Variants in MMS22L observed in about 807,000 individuals in gnomAD.
MMS22L encodes the protein MMS22 like, DNA repair protein.
A neutral mutation model predicts 159.1 loss-of-function variants in MMS22L; 74 were observed. That is an observed-to-expected ratio of 0.47 (90% confidence interval 0.39 to 0.56). The LOEUF (loss-of-function observed/expected upper bound fraction) is 0.56. Among genes scored for constraint, MMS22L ranks in the 20% least tolerant of loss-of-function variants. MMS22L has a pLI of 0.00. For synonymous variants in MMS22L, 517 were observed against 506.9 expected (o/e 1.02, Z -0.27); for missense variants, 1,351 against 1,422.1 (o/e 0.95, Z 0.80).
chr6:97,179,093 CT>C (rs1804418210), intron 17 of MMS22L, among the ~76,000 whole-genome samples: 2 of 152,016 alleles, frequency 1.3e-5, no homozygotes, highest in Admixed American at 6.6e-5. Flanking sequence ...CAGAGTTCTA[CT>C]TTTTTCGTGA....
At chr6:97,276,215 A>G (rs1456152064) in intron 4 of MMS22L, among the ~76,000 whole-genome samples, 1 of 152,184 alleles carries the variant, frequency 6.6e-6, no homozygotes, top group Non-Finnish European at 1.5e-5. Flanking sequence ...GAACACAGCT[A>G]CATGGCAGGG....
rs554179503 is a variant in MMS22L, at chr6:97,279,647, C to T, written c.291-749G>A. Among the ~76,000 whole-genome samples the T allele has an allele frequency of 4.7e-4, 71 of 151,220 alleles. 1 individual carries two copies. The South Asian group carries it at 0.012, about 26-fold the overall frequency. ...TAAAAATACACAAAAATTAGCCGGG[C>T]GTGGTGGGGGGACCCTGTAATCCGA... On this transcript the variant is annotated intron_variant, in intron 3 of 24. Transcript: ENST00000683635.
At chr6:97,222,264 A>T (rs1253724997) in intron 14 of MMS22L, among the ~76,000 whole-genome samples, 1 of 152,076 alleles carries the variant, frequency 6.6e-6, no homozygotes, top group Non-Finnish European at 1.5e-5. Context: ...CAAAACAGTT[A>T]TAAAACAAGC....
chr6:97,183,867 T>C (rs1804961782), intron 15 of MMS22L, among the ~76,000 whole-genome samples: 2 of 152,172 alleles, frequency 1.3e-5, no homozygotes. Context: ...GCATTTTAAA[T>C]ATACTGAAAT....
intron 3 of MMS22L, among the ~76,000 whole-genome samples, chr6:97,279,785 C>CA (rs760977110): frequency 4.5e-3 from 368 of 81,178 alleles, no homozygotes; most frequent in Middle Eastern, 8.9e-3. Context: ...GACACCCTCT[C>CA]AAAAAAAAAA....
chr6:97,253,762 G>T (rs1013961215), intron 10 of MMS22L: 1 of 152,114 alleles, frequency 6.6e-6, no homozygotes, highest in Non-Finnish European at 1.5e-5. Context: ...AGCTGGACTA[G>T]ATACCTGGAT....
intron 22 of MMS22L, among the ~76,000 whole-genome samples, chr6:97,154,182 C>T (rs749602034): frequency 3.3e-5 from 5 of 152,050 alleles, no homozygotes; most frequent in Admixed American, 6.6e-5. Context: ...AGTGATATCT[C>T]GGGGTAGTTT....
At chr6:97,158,905 G>A (rs1582393908) in intron 22 of MMS22L, among the ~76,000 whole-genome samples, 1 of 151,808 alleles carries the variant, frequency 6.6e-6, no homozygotes, top group African/African-American at 2.4e-5. Context: ...TTGACAGTGG[G>A]GTGTTAAAGT....
At chr6:97,259,707 A>C (rs1367871330) in intron 9 of MMS22L, 1 of 151,458 alleles carries the variant, frequency 6.6e-6, no homozygotes, top group Non-Finnish European at 1.5e-5. Flanking sequence ...TTATATATAT[A>C]TATATATCTA....
At chr6:97,159,338 T>A (rs1802188790) in intron 22 of MMS22L, among the ~76,000 whole-genome samples, 1 of 151,982 alleles carries the variant, frequency 6.6e-6, no homozygotes, top group Non-Finnish European at 1.5e-5. Context: ...GTGGTCACTC[T>A]AAGCTAACCA....
chr6:97,230,819 C>G (rs1810781417), intron 13 of MMS22L: 1 of 152,448 alleles, frequency 6.6e-6, no homozygotes, highest in South Asian at 2.1e-4. Flanking sequence ...AAGAATTACT[C>G]ACTGTGGGAC....
intron 9 of MMS22L, chr6:97,261,047 T>G (rs1433304593): frequency 2.6e-5 from 4 of 152,216 alleles, no homozygotes; most frequent in Non-Finnish European, 5.9e-5. Flanking sequence ...GTTTCTTTCT[T>G]ATCAGTTCTC....
At chr6:97,257,488 C>A (rs1284748294) in intron 9 of MMS22L, among the ~76,000 whole-genome samples, 1 of 152,146 alleles carries the variant, frequency 6.6e-6, no homozygotes, top group South Asian at 2.1e-4. Context: ...GGGTCTCACT[C>A]TGTTGCCCAG....
rs751961584 is a variant in MMS22L at position 97,179,574 on chromosome 6, T to C, written c.2385-15A>G. 1 of 1,581,198 alleles carries C rather than the reference T, an allele frequency of 6.3e-7. No individual in the cohort carries two copies. The highest frequency in any genetic ancestry group is 1.4e-5 in the African/African-American group (1 of 72,946). ...CACATAATGTGCTGTAGAAACAAATTGACAAATATTTTTAAAACAAAAACG... is the reference window on the plus strand; with the variant it reads ...CACATAATGTGCTGTAGAAACAAATCGACAAATATTTTTAAAACAAAAACG... On this transcript the variant is annotated splice_polypyrimidine_tract_variant and intron_variant, in intron 16 of 24. Transcript: ENST00000683635.
At chr6:97,280,320 A>C (rs1031035638) in intron 3 of MMS22L, among the ~76,000 whole-genome samples, 1 of 152,136 alleles carries the variant, frequency 6.6e-6, no homozygotes, top group African/African-American at 2.4e-5. Context: ...GAAGAACTTT[A>C]ATTTTTATTA....
At chr6:97,248,694 T>C (rs1278990229) in intron 10 of MMS22L, among the ~76,000 whole-genome samples, 1 of 152,004 alleles carries the variant, frequency 6.6e-6, no homozygotes, top group East Asian at 1.9e-4. Context: ...ACCCCGTCTC[T>C]ACTAAAATAC....
chr6:97,246,842 G>A lies in MMS22L; in HGVS notation c.1120-152C>T, dbSNP rs1812698768. 5 of 567,120 alleles carry A rather than the reference G, an allele frequency of 8.8e-6. No homozygotes were observed. In the South Asian group the frequency reaches 1.4e-4, roughly 16 times the overall value. The allele number at this position is 567,120 out of a possible 1,614,324, so 35.1% of individuals were successfully genotyped here. A position where few individuals can be genotyped will look rare whatever the true frequency, so the allele number is the denominator to read the frequency against. ...GAATTTCTAATATTCCTTTGGTAAA[G>A]AGTTAACAAACTTGGCAGAAAAAAA... On this transcript the variant is annotated intron_variant, in intron 10 of 24. Transcript: ENST00000683635.
chr6:97,169,531 T>C (rs977165373), intron 19 of MMS22L, among the ~76,000 whole-genome samples: 3 of 152,106 alleles, frequency 2.0e-5, no homozygotes, highest in African/African-American at 7.2e-5. Flanking sequence ...AATATGCTTA[T>C]GGAAAAGTAT....
rs949929311 is a variant in MMS22L, at chr6:97,146,187, T to A, written c.*619A>T. ...CCTAAATATAAACCCTGTTGGCATG[T>A]TTACACTTCTTTTTGGATATCAGCT... is the stretch of plus-strand genomic sequence containing the variant. On this transcript the variant is annotated 3_prime_UTR_variant, in exon 25 of 25. Coordinates refer to ENST00000683635, the MANE Select transcript of MMS22L (RefSeq NM_001350599.2). 1 of 152,066 alleles carries A rather than the reference T, an allele frequency of 6.6e-6. No homozygotes were observed. The highest frequency in any genetic ancestry group is 1.5e-5 in the Non-Finnish European group (1 of 67,976). 9.4% of individuals were successfully genotyped at this position (152,066 alleles called of 1,614,324 possible).
Sources: gnomAD v4.1 joint callset for allele counts (sites outside exome capture counted in the v4.1 genomes callset) on GRCh38, gnomAD v4.1.1 for gene constraint, MANE v1.5 for transcripts, NCBI Gene and HGNC (gene_info 2026-07-23, HGNC 2026-07-21) for gene names.